SORCS3: variants seen among roughly 807,000 people sequenced by gnomAD.
SORCS3 encodes VPS10 domain-containing receptor SorCS3.
SORCS3 carries 57 observed loss-of-function variants against 146.3 expected under a neutral mutation model. The observed-to-expected ratio is 0.39, with a 90% CI of 0.31 to 0.49. The LOEUF is 0.49. SORCS3 is among the 20% of genes least tolerant of loss of function. The pLI is 0.92. For missense variants in SORCS3, 1,341 were observed against 1,575.5 expected (o/e 0.85, Z 2.52); for synonymous variants, 653 against 618.5 (o/e 1.06, Z -0.83).
intron 4 of SORCS3, among the ~76,000 whole-genome samples, chr10:104,980,999 G>T (rs2054928718): frequency 6.6e-6 from 1 of 152,146 alleles, no homozygotes; most frequent in Non-Finnish European, 1.5e-5. Flanking sequence ...GCCTGGGTGT[G>T]GGGAAGATCT....
intron 7 of SORCS3, among the ~76,000 whole-genome samples, chr10:105,115,590 T>G (rs2055888287): frequency 6.6e-6 from 1 of 152,182 alleles, no homozygotes; most frequent in African/African-American, 2.4e-5. Flanking sequence ...ATATATGAGA[T>G]GTAACTATTC....
At chr10:104,955,333 A>G (rs1372570575) in intron 3 of SORCS3, among the ~76,000 whole-genome samples, 1 of 150,608 alleles carries the variant, frequency 6.6e-6, no homozygotes, top group East Asian at 1.9e-4. Context: ...TTTTTTTCAT[A>G]TTGTAGCATG....
At chr10:104,982,712 G>C (rs2054937830) in intron 4 of SORCS3, among the ~76,000 whole-genome samples, 1 of 152,214 alleles carries the variant, frequency 6.6e-6, no homozygotes, top group African/African-American at 2.4e-5. Flanking sequence ...ATGGAGGTGT[G>C]CTATCTTCAT....
chr10:104,966,803 G>A (rs887970453), intron 3 of SORCS3, among the ~76,000 whole-genome samples: 6 of 152,154 alleles, frequency 3.9e-5, no homozygotes, highest in African/African-American at 1.4e-4. Context: ...ACATAGATAA[G>A]CTGACAGGCT....
At chr10:105,167,900 G>C (rs890163781) in intron 13 of SORCS3, among the ~76,000 whole-genome samples, 3 of 152,108 alleles carry the variant, frequency 2.0e-5, no homozygotes, top group African/African-American at 7.2e-5. Flanking sequence ...AGAAACCAGG[G>C]ACTCCTATGG....
At chr10:105,062,582 G>T (rs61606755) in intron 5 of SORCS3, among the ~76,000 whole-genome samples, 1 of 152,144 alleles carries the variant, frequency 6.6e-6, no homozygotes, top group Non-Finnish European at 1.5e-5. Context: ...GTATTTCAGC[G>T]GTTGGAGAGG....
chr10:105,163,883 TACACAC>T (rs67886313), intron 11 of SORCS3, among the ~76,000 whole-genome samples: 3,656 of 138,622 alleles, frequency 0.026, 128 homozygotes, highest in African/African-American at 0.083. Context: ...GTTACGCACA[TACACAC>T]ACACACACAC....
intron 2 of SORCS3, among the ~76,000 whole-genome samples, chr10:104,896,802 T>G (rs1028799505): frequency 6.6e-6 from 1 of 152,250 alleles, no homozygotes; most frequent in Non-Finnish European, 1.5e-5. Context: ...CTGTACTCAT[T>G]TACTTACATA....
intron 1 of SORCS3, among the ~76,000 whole-genome samples, chr10:104,717,660 G>A (rs1023946659): frequency 6.6e-6 from 1 of 152,160 alleles, no homozygotes; most frequent in Non-Finnish European, 1.5e-5. Context: ...TATTGTGCTT[G>A]TGAGATAGTC....
chr10:105,052,802 A>G lies in SORCS3; in HGVS notation c.1028+9674A>G, dbSNP rs1031537064. ...AGAAAGTACCAAATTGAAGGCTTGG[A>G]GGCTGTTTGAAATGCAGGTTGGATA... On this transcript the variant is annotated intron_variant, in intron 5 of 26. Transcript: ENST00000369701. Among the ~76,000 whole-genome samples the G allele has an allele frequency of 3.3e-5, 5 of 151,980 alleles. No individual in the cohort carries two copies. In the South Asian group the frequency reaches 6.3e-4, roughly 19 times the overall value.
At chr10:105,218,866 T>G (rs1342560041) in intron 19 of SORCS3, among the ~76,000 whole-genome samples, 1 of 152,048 alleles carries the variant, frequency 6.6e-6, no homozygotes, top group Non-Finnish European at 1.5e-5. Context: ...ATACACAAAA[T>G]TAGCCGGGCG....
intron 1 of SORCS3, among the ~76,000 whole-genome samples, chr10:104,699,515 CGTGTTAGATGAAT>C (rs773640169): frequency 2.0e-5 from 3 of 151,918 alleles, no homozygotes; most frequent in Non-Finnish European, 4.4e-5. Flanking sequence ...GTGGGCTCAG[CGTGTTAGATGAAT>C]GAGTAGAAGA....
chr10:104,761,170 A>G (rs2017117364), intron 1 of SORCS3, among the ~76,000 whole-genome samples: 1 of 152,170 alleles, frequency 6.6e-6, no homozygotes, highest in Admixed American at 6.5e-5. Context: ...TCCCAATCAG[A>G]CCAAGGAATT....
chr10:105,122,488 C>G (rs2055940635), intron 7 of SORCS3, among the ~76,000 whole-genome samples: 1 of 152,176 alleles, frequency 6.6e-6, no homozygotes. Flanking sequence ...GACTGGTTCT[C>G]TCTGTGACAG....
chr10:105,112,821 T>A (rs937080853), intron 7 of SORCS3, among the ~76,000 whole-genome samples: 1 of 152,210 alleles, frequency 6.6e-6, no homozygotes, highest in Non-Finnish European at 1.5e-5. Flanking sequence ...AACAGCAAGA[T>A]GAGGACGAGA....
At chr10:105,159,722 A>G (rs567951654) in intron 11 of SORCS3, among the ~76,000 whole-genome samples, 3 of 152,312 alleles carry the variant, frequency 2.0e-5, no homozygotes, top group Admixed American at 6.5e-5. Context: ...AAAGCAGATA[A>G]ATTCACAGTG....
chr10:104,860,337 C>T (rs1287579632), intron 2 of SORCS3, among the ~76,000 whole-genome samples: 1 of 123,914 alleles, frequency 8.1e-6, no homozygotes, highest in East Asian at 3.1e-4. Context: ...CCAAACACCG[C>T]GTTTGCTCAC....
intron 1 of SORCS3, among the ~76,000 whole-genome samples, chr10:104,733,398 A>G (rs538485955): frequency 2.6e-5 from 4 of 152,086 alleles, no homozygotes; most frequent in Admixed American, 1.3e-4. Flanking sequence ...TGCCCAGACT[A>G]GAGTACAGTG....
At chr10:104,794,622 G>GGAGGGAGGGAGGGAGAGAGAGA (rs1481811209) in intron 1 of SORCS3, among the ~76,000 whole-genome samples, 2 of 41,392 alleles carry the variant, frequency 4.8e-5, no homozygotes, top group Admixed American at 2.7e-4. Flanking sequence ...AGAGAGGGAG[G>GGAGGGAGGGAGGGAGAGAGAGA]GAGAGAGAGA....
Sources: gnomAD v4.1 joint callset for allele counts (sites outside exome capture counted in the v4.1 genomes callset) on GRCh38, gnomAD v4.1.1 for gene constraint, MANE v1.5 for transcripts, NCBI Gene and HGNC (gene_info 2026-07-23, HGNC 2026-07-21) for gene names.